The following PTCHD4 variants were observed in gnomAD, a reference collection of about 807,000 sequenced individuals.
PTCHD4 encodes patched domain-containing protein 4.
Under a neutral mutation model 58.1 loss-of-function variants are expected in PTCHD4, and 33 were observed. The ratio of observed to expected loss-of-function variants is 0.57; its 90% CI spans 0.43 to 0.76. The LOEUF (loss-of-function observed/expected upper bound fraction) is 0.76. Among genes scored for constraint, PTCHD4 ranks in the 30% least tolerant of loss-of-function variants. The pLI is 0.00. For missense variants in PTCHD4, 1,058 were observed against 1,027.1 expected (o/e 1.03, Z -0.41); for synonymous variants, 478 against 409.6 (o/e 1.17, Z -2.02).
At position 48,020,506 on chromosome 6, in the gene PTCHD4, T is replaced by G. The variant is rs1349300525; in HGVS notation, c.418-11392A>C. ...CAAAAGTAATTGCGGTTTTTGCTAC[T>G]TTCGTTGGCAAAAACCGTAATTACT... On this transcript the variant is annotated intron_variant, in intron 3 of 4. Transcript: ENST00000339488. Among the ~76,000 whole-genome samples, 3 of 151,988 alleles carry G rather than the reference T, an allele frequency of 2.0e-5. No homozygotes were observed. The East Asian group carries it at 5.8e-4, about 29-fold the overall frequency.
intron 4 of PTCHD4, among the ~76,000 whole-genome samples, chr6:47,963,403 G>A (rs1212492698): frequency 2.0e-5 from 3 of 152,118 alleles, no homozygotes; most frequent in Non-Finnish European, 4.4e-5. Context: ...ATAAAATGGT[G>A]TAGCTGCTAT....
chr6:47,977,413 T>C (rs908969693), intron 4 of PTCHD4, among the ~76,000 whole-genome samples: 1 of 152,218 alleles, frequency 6.6e-6, no homozygotes, highest in Non-Finnish European at 1.5e-5. Context: ...AAGAGTTCTC[T>C]GTGACAAGGA....
intron 4 of PTCHD4, among the ~76,000 whole-genome samples, chr6:47,899,361 A>G (rs1764626718): frequency 6.6e-6 from 1 of 152,150 alleles, no homozygotes; most frequent in South Asian, 2.1e-4. Context: ...GAATACAAAT[A>G]TTTCCCCTGA....
intron 1 of PTCHD4, among the ~76,000 whole-genome samples, chr6:48,082,166 C>G (rs1050518456): frequency 3.9e-5 from 6 of 152,196 alleles, no homozygotes; most frequent in Non-Finnish European, 1.5e-5. Context: ...GGAAAAACAG[C>G]TTGGCTTAAG....
At chr6:47,994,814 T>C (rs1260254683) in intron 4 of PTCHD4, among the ~76,000 whole-genome samples, 1 of 152,202 alleles carries the variant, frequency 6.6e-6, no homozygotes. Context: ...ATGTTGGTAA[T>C]GGCATTTGGA....
At chr6:48,062,940 G>C (rs889287153) in intron 3 of PTCHD4, among the ~76,000 whole-genome samples, 1 of 152,152 alleles carries the variant, frequency 6.6e-6, no homozygotes, top group African/African-American at 2.4e-5. Context: ...GCCTACATTG[G>C]TGACGAGACT....
rs1464605955 is a variant in PTCHD4, at chr6:47,872,163, C to A, written c.*6140G>T. On this transcript the variant is annotated 3_prime_UTR_variant, in exon 5 of 5. Coordinates refer to ENST00000339488, the MANE Select transcript of PTCHD4 (RefSeq NM_001384253.1). ...ATTACATTAGATAATTTAAATGCTC[C>A]CCATAACATACTGTAGACTGCCGCT... Among the ~76,000 whole-genome samples, 1 of 151,394 alleles carries A rather than the reference C, an allele frequency of 6.6e-6. No homozygotes were observed. The highest frequency in any genetic ancestry group is 2.4e-5 in the African/African-American group (1 of 41,268).
intron 4 of PTCHD4, among the ~76,000 whole-genome samples, chr6:47,988,254 T>G (rs892774731): frequency 1.3e-5 from 2 of 152,210 alleles, no homozygotes; most frequent in Non-Finnish European, 2.9e-5. Context: ...AGTAGTGCTG[T>G]CAAGTTCTAG....
intron 4 of PTCHD4, among the ~76,000 whole-genome samples, chr6:47,979,964 A>G (rs1767821411): frequency 6.6e-6 from 1 of 152,116 alleles, no homozygotes; most frequent in Admixed American, 6.6e-5. Flanking sequence ...TGCTTTTAAA[A>G]GCAACAATCT....
At chr6:48,008,581 C>T in intron 4 of PTCHD4, 53 bp downstream of exon 4, 2 of 1,555,242 alleles carry the variant, frequency 1.3e-6, no homozygotes, top group Non-Finnish European at 1.7e-6. Flanking sequence ...AAGAAATATA[C>T]TACCTTGCCC....
At chr6:47,923,039 G>T (rs1383183275) in intron 4 of PTCHD4, among the ~76,000 whole-genome samples, 1 of 152,060 alleles carries the variant, frequency 6.6e-6, no homozygotes, top group Non-Finnish European at 1.5e-5. Context: ...GTTTCCTCTT[G>T]TGCTGATGTC....
chr6:47,915,929 C>T (rs1765229209), intron 4 of PTCHD4, among the ~76,000 whole-genome samples: 1 of 152,064 alleles, frequency 6.6e-6, no homozygotes, highest in Non-Finnish European at 1.5e-5. Context: ...TGTAAGAATC[C>T]TTTATACACA....
intron 4 of PTCHD4, among the ~76,000 whole-genome samples, chr6:47,956,430 T>A (rs143551900): frequency 1.6e-3 from 242 of 152,124 alleles, no homozygotes; most frequent in Middle Eastern, 6.8e-3. Flanking sequence ...GTATGGTTTT[T>A]TTTTTATTTT....
intron 1 of PTCHD4, among the ~76,000 whole-genome samples, chr6:48,071,030 A>G (rs1412310736): frequency 3.3e-5 from 5 of 152,266 alleles, no homozygotes; most frequent in African/African-American, 1.2e-4. Context: ...AAGTAAGGAC[A>G]CTAGAAATGA....
At chr6:47,971,066 A>G (rs1296240455) in intron 4 of PTCHD4, among the ~76,000 whole-genome samples, 2 of 152,330 alleles carry the variant, frequency 1.3e-5, no homozygotes, top group Middle Eastern at 3.4e-3. Context: ...CATAGCTTCC[A>G]ATATGCTTTC....
intron 4 of PTCHD4, among the ~76,000 whole-genome samples, chr6:47,972,859 T>C (rs892528612): frequency 6.6e-6 from 1 of 152,124 alleles, no homozygotes; most frequent in African/African-American, 2.4e-5. Flanking sequence ...ATAATAATTA[T>C]ATTCATATTA....
chr6:47,935,667 C>A (rs1399421692), intron 4 of PTCHD4, among the ~76,000 whole-genome samples: 1 of 152,048 alleles, frequency 6.6e-6, no homozygotes, highest in Admixed American at 6.6e-5. Context: ...CTTTCAATTT[C>A]TGTTATATAT....
chr6:48,034,007 A>T lies in PTCHD4; in HGVS notation c.418-24893T>A, dbSNP rs185809857. Among the ~76,000 whole-genome samples the T allele has an allele frequency of 8.6e-4, 131 of 152,240 alleles. 1 individual carries two copies. The South Asian group carries it at 0.015, about 17-fold the overall frequency. On this transcript the variant is annotated intron_variant, in intron 3 of 4. Coordinates refer to ENST00000339488, the MANE Select transcript of PTCHD4 (RefSeq NM_001384253.1). ...CATGAGCAGGGCAGTCCAGAGCAACAATCTGTTACCTTGGAAAGCACCTTC... is the reference window on the plus strand; with the variant it reads ...CATGAGCAGGGCAGTCCAGAGCAACTATCTGTTACCTTGGAAAGCACCTTC...
chr6:47,932,643 T>C (rs1366767027), intron 4 of PTCHD4, among the ~76,000 whole-genome samples: 2 of 152,202 alleles, frequency 1.3e-5, no homozygotes, highest in African/African-American at 4.8e-5. Context: ...AGTAGGTGGC[T>C]CAATGCCAAA....
Sources: gnomAD v4.1 joint callset for allele counts (sites outside exome capture counted in the v4.1 genomes callset) on GRCh38, gnomAD v4.1.1 for gene constraint, MANE v1.5 for transcripts, NCBI Gene and HGNC (gene_info 2026-07-23, HGNC 2026-07-21) for gene names.